IGF2R: variants seen among roughly 807,000 people sequenced by gnomAD.
The protein encoded by IGF2R is cation-independent mannose-6-phosphate receptor.
Under a neutral mutation model 270.6 loss-of-function variants are expected in IGF2R, and 91 were observed. The ratio of observed to expected loss-of-function variants is 0.34; its 90% CI spans 0.28 to 0.40. IGF2R has a LOEUF of 0.40. IGF2R is among the 10% of genes least tolerant of loss of function. The probability of loss-of-function intolerance (pLI) is 1.00; values close to 1 mark genes in which losing one functional copy is unlikely to be tolerated. For missense variants in IGF2R, 2,805 were observed against 3,188.3 expected (o/e 0.88, Z 2.90); for synonymous variants, 1,316 against 1,258.9 (o/e 1.05, Z -0.96).
chr6:159,991,125 G>A (rs1783971177), intron 1 of IGF2R, 59 bp from the exon 2 acceptor site: 2 of 1,507,336 alleles, frequency 1.3e-6, no homozygotes, highest in Non-Finnish European at 1.8e-6. Context: ...TAAAACTAGA[G>A]AGAAGTTTAA....
intron 4 of IGF2R, among the ~76,000 whole-genome samples, chr6:160,021,630 A>G (rs1200551179): frequency 7.9e-5 from 12 of 152,064 alleles, no homozygotes; most frequent in Middle Eastern, 6.8e-3. Context: ...AGGAAAAAAA[A>G]AATAAACTGC....
At chr6:159,983,029 A>G (rs973254639) in intron 1 of IGF2R, among the ~76,000 whole-genome samples, 1 of 152,198 alleles carries the variant, frequency 6.6e-6, no homozygotes, top group Non-Finnish European at 1.5e-5. Flanking sequence ...CAGTTTAAAG[A>G]TATTCTATAT....
chr6:160,084,389 G>A lies in IGF2R; in HGVS notation c.6068+205G>A, dbSNP rs1414424154. Among the ~76,000 whole-genome samples the A allele has an allele frequency of 3.3e-5, 5 of 152,190 alleles. No individual in the cohort carries two copies. The highest frequency in any genetic ancestry group is 1.2e-4 in the African/African-American group (5 of 41,438). On this transcript the variant is annotated intron_variant, in intron 40 of 47. Coordinates refer to ENST00000356956, the MANE Select transcript of IGF2R (RefSeq NM_000876.4). This position sits in a 1 kb window ranked among gnomAD's most constrained non-coding sequence, Gnocchi z 4.6. ...GGGTGGTTCTGAGGTCAGAGTGGGG[G>A]CAGGAGCTTTGGTGACTGGAAACGG...
intron 1 of IGF2R, among the ~76,000 whole-genome samples, chr6:159,990,362 A>C (rs765344136): frequency 1.3e-5 from 2 of 152,062 alleles, no homozygotes; most frequent in Non-Finnish European, 2.9e-5. Context: ...CGTGGTCATG[A>C]GTGAGTTCTC....
At chr6:160,103,438 G>C (rs1245141440) in intron 46 of IGF2R, among the ~76,000 whole-genome samples, 1 of 152,228 alleles carries the variant, frequency 6.6e-6, no homozygotes, top group Non-Finnish European at 1.5e-5. Context: ...CCATTGGGCA[G>C]GCTTAGTGGC....
At chr6:159,980,040 G>A (rs1206456423) in intron 1 of IGF2R, among the ~76,000 whole-genome samples, 2 of 152,030 alleles carry the variant, frequency 1.3e-5, no homozygotes, top group African/African-American at 4.8e-5. Flanking sequence ...TCTTAGATGG[G>A]CGCGGTGGCG....
chr6:160,008,865 T>C lies in IGF2R; in HGVS notation c.290-145T>C, dbSNP rs555413169. 76 of 757,232 alleles carry C rather than the reference T, an allele frequency of 1.0e-4. 1 individual carries two copies. The highest frequency in any genetic ancestry group is 1.4e-4 in the Non-Finnish European group (67 of 470,344). The allele number at this position is 757,232 out of a possible 1,614,324, so 46.9% of individuals were successfully genotyped here. A position where few individuals can be genotyped will look rare whatever the true frequency, so the allele number is the denominator to read the frequency against. ...ATGTAATGGGGATGCCACTCTGAGA[T>C]GGAAAATTCTGGGAAAGGACAGTTT... On this transcript the variant is annotated intron_variant, in intron 2 of 47. Coordinates refer to ENST00000356956, the MANE Select transcript of IGF2R (RefSeq NM_000876.4).
At chr6:159,980,715 C>G (rs1166682527) in intron 1 of IGF2R, among the ~76,000 whole-genome samples, 1 of 151,966 alleles carries the variant, frequency 6.6e-6, no homozygotes, top group African/African-American at 2.4e-5. Context: ...TTGTAGTTTG[C>G]ACACTCCAGG....
intron 10 of IGF2R, among the ~76,000 whole-genome samples, chr6:160,038,613 G>A (rs183978304): frequency 9.7e-4 from 147 of 152,296 alleles, no homozygotes; most frequent in African/African-American, 3.3e-3. Flanking sequence ...ATTAAACTGT[G>A]TGTAAACCTT....
chr6:159,992,406 A>G (rs1783992439), intron 2 of IGF2R, among the ~76,000 whole-genome samples: 2 of 151,960 alleles, frequency 1.3e-5, no homozygotes, highest in Admixed American at 1.3e-4. Flanking sequence ...CTGTTATTCC[A>G]CTGTCCGTGT....
intron 4 of IGF2R, among the ~76,000 whole-genome samples, chr6:160,019,506 C>G (rs1350669493): frequency 1.3e-5 from 2 of 152,176 alleles, no homozygotes; most frequent in East Asian, 3.9e-4. Context: ...GCCAAACAAG[C>G]ACACAACAAA....
chr6:160,024,450 G>T, intron 4 of IGF2R, 122 bp from the exon 5 acceptor site: 1 of 922,708 alleles, frequency 1.1e-6, no homozygotes, highest in Non-Finnish European at 1.7e-6. Context: ...TCGTTATTAG[G>T]GGACACCATA....
At chr6:160,001,377 C>T in intron 2 of IGF2R, among the ~76,000 whole-genome samples, 1 of 152,000 alleles carries the variant, frequency 6.6e-6, no homozygotes, top group East Asian at 1.9e-4. Flanking sequence ...CATCTAGTTG[C>T]ATGAAAACAA....
intron 29 of IGF2R, among the ~76,000 whole-genome samples, chr6:160,065,303 T>G (rs1231157045): frequency 6.6e-6 from 1 of 151,956 alleles, no homozygotes; most frequent in Non-Finnish European, 1.5e-5. Context: ...TCCTTAGAGA[T>G]TTTGGTTTTG....
At position 160,029,640 on chromosome 6, in the gene IGF2R, G is replaced by T. The variant is rs1406103154; in HGVS notation, c.867G>T (p.Pro289=). The change falls in exon 7 of 48, where the codon CCG becomes CCT. Residue 289 remains proline, a synonymous_variant. Transcript: ENST00000356956. The stretch of plus-strand genomic sequence containing the variant: ...CGGTGACTATTACATTTGTTTGCCC[G>T]TCGGAGCGGAGAGAGGTAAGTGACT... ...SPAVTITFVC[P]SERREGTIPK... The T allele has an allele frequency of 1.9e-6, 3 of 1,612,750 alleles. No individual in the cohort carries two copies. Among genetic ancestry groups the T allele is most frequent in the East Asian group, 2.2e-5 (1 of 44,872 alleles).
At chr6:159,991,701 T>A (rs1783982614) in intron 2 of IGF2R, among the ~76,000 whole-genome samples, 1 of 152,188 alleles carries the variant, frequency 6.6e-6, no homozygotes, top group Non-Finnish European at 1.5e-5. Context: ...CCGACTCCCA[T>A]TCCTTTGTAC....
chr6:160,013,882 G>T lies in IGF2R; in HGVS notation c.513+3097G>T, dbSNP rs187277287. 1.3e-3 allele frequency among the ~76,000 whole-genome samples: 196 copies of T among 152,144 alleles called. 1 individual carries two copies. The highest frequency in any genetic ancestry group is 6.8e-3 in the Middle Eastern group (2 of 294). On this transcript the variant is annotated intron_variant, in intron 4 of 47. Coordinates refer to ENST00000356956, the MANE Select transcript of IGF2R (RefSeq NM_000876.4). ...AGTTTGATTTGATTACACCTTACAG[G>T]CTTGGTATGATAAGTTTAAAACATA...
rs768388678 is a variant in IGF2R at position 160,104,877 on chromosome 6, G to C, written c.7269G>C (p.Ser2423=). 3.7e-6 allele frequency: 6 copies of C among 1,614,060 alleles called. No individual in the cohort carries two copies. The African/African-American group carries it at 5.3e-5, about 14-fold the overall frequency. Residue 2423 remains serine, a synonymous_variant, in exon 48 of 48, where the codon TCG becomes TCC. Transcript: ENST00000356956. ...VLTIPEVKVH[S]GRGAGAESSH... ...CCATCCCAGAGGTGAAAGTTCACTC[G>C]GGCAGGGGAGCTGGGGCAGAGAGCT...
intron 9 of IGF2R, among the ~76,000 whole-genome samples, chr6:160,034,191 A>G (rs2115234849): frequency 6.6e-6 from 1 of 152,330 alleles, no homozygotes. Flanking sequence ...AACCTTCGGC[A>G]CTTTCTTCCA....
Sources: allele counts gnomAD v4.1 joint callset (sites outside exome capture counted in the v4.1 genomes callset), GRCh38; gene constraint gnomAD v4.1.1; non-coding constraint Gnocchi (gnomAD v3.1); transcripts MANE v1.5; gene names NCBI Gene and HGNC (gene_info 2026-07-23, HGNC 2026-07-21).